Variants in ADAMTS16 observed in about 807,000 individuals in gnomAD.
ADAMTS16 encodes ADAM metallopeptidase with thrombospondin type 1 motif 16, also known as A disintegrin and metalloproteinase with thrombospondin motifs 16.
Under a neutral mutation model 145.8 loss-of-function variants are expected in ADAMTS16, and 94 were observed. The ratio of observed to expected loss-of-function variants is 0.64; its 90% CI spans 0.55 to 0.77. The LOEUF (loss-of-function observed/expected upper bound fraction) is 0.77. ADAMTS16 is among the 30% of genes least tolerant of loss of function. The probability of loss-of-function intolerance (pLI) is 0.00; values close to 1 mark genes in which losing one functional copy is unlikely to be tolerated. For missense variants in ADAMTS16, 1,585 were observed against 1,591.5 expected (o/e 1.00, Z 0.07); for synonymous variants, 659 against 604.3 (o/e 1.09, Z -1.33).
chr5:5,267,581 C>T lies in ADAMTS16; in HGVS notation c.2789+4798C>T, dbSNP rs552931310. On this transcript the variant is annotated intron_variant, in intron 18 of 22. Coordinates refer to ENST00000274181, the MANE Select transcript of ADAMTS16 (RefSeq NM_139056.4). The stretch of plus-strand genomic sequence containing the variant: ...GCCGGCATCTGCTGGTGCCTGTCAG[C>T]GTGCCCCTCTGCCGATGTGTTTCTC... Among the ~76,000 whole-genome samples the T allele has an allele frequency of 1.1e-4, 16 of 152,238 alleles. No homozygotes were observed. The South Asian group carries it at 3.1e-3, about 30-fold the overall frequency.
intron 10 of ADAMTS16, among the ~76,000 whole-genome samples, chr5:5,213,057 C>T (rs1003299947): frequency 6.6e-6 from 1 of 152,178 alleles, no homozygotes; most frequent in African/African-American, 2.4e-5. Flanking sequence ...GTCCTTACAA[C>T]AAATAAATCC....
chr5:5,197,735 A>G (rs1735845629), intron 8 of ADAMTS16, among the ~76,000 whole-genome samples: 1 of 152,216 alleles, frequency 6.6e-6, no homozygotes, highest in African/African-American at 2.4e-5. Context: ...TAATGGTGGT[A>G]TTAAATGTAA....
intron 8 of ADAMTS16, 77 bp downstream of exon 8, chr5:5,191,867 T>C: frequency 1.9e-6 from 2 of 1,059,446 alleles, no homozygotes; most frequent in Non-Finnish European, 2.8e-6. Context: ...TATTGACTCA[T>C]CAAGTCAAGT....
chr5:5,264,811 G>A (rs879469837), intron 18 of ADAMTS16, among the ~76,000 whole-genome samples: 7 of 152,130 alleles, frequency 4.6e-5, no homozygotes, highest in Non-Finnish European at 7.3e-5. Context: ...AAGTGCTTAA[G>A]ATGCAGCACA....
intron 9 of ADAMTS16, among the ~76,000 whole-genome samples, chr5:5,208,495 C>G (rs1279018105): frequency 6.6e-6 from 1 of 152,298 alleles, no homozygotes; most frequent in South Asian, 2.1e-4. Flanking sequence ...TGTTCTTTAG[C>G]CATCTACCAA....
chr5:5,262,850 C>G (rs1475674061), intron 18 of ADAMTS16, 67 bp downstream of exon 18: 1 of 1,585,130 alleles, frequency 6.3e-7, no homozygotes, highest in East Asian at 2.2e-5. Context: ...AGTCTTGCAG[C>G]TCCTGATTTC....
At position 5,256,995 on chromosome 5, in the gene ADAMTS16, G is replaced by C. The variant is rs140758714; in HGVS notation, c.2663-5662G>C. ...TTCAGTATGTTTCTTATTTAAATCGGGTTATCATAACTATTACACTTAAGG... is the reference window on the plus strand; with the variant it reads ...TTCAGTATGTTTCTTATTTAAATCGCGTTATCATAACTATTACACTTAAGG... On this transcript the variant is annotated intron_variant, in intron 17 of 22. Transcript: ENST00000274181. Among the ~76,000 whole-genome samples the C allele has an allele frequency of 2.7e-3, 410 of 152,186 alleles. 2 individuals carry two copies. Among genetic ancestry groups the C allele is most frequent in the African/African-American group, 9.3e-3 (388 of 41,500 alleles).
intron 9 of ADAMTS16, among the ~76,000 whole-genome samples, chr5:5,206,380 C>T (rs1390280702): frequency 4.3e-5 from 5 of 116,802 alleles, no homozygotes; most frequent in African/African-American, 9.9e-5. Context: ...GAGCCGAGAT[C>T]CCGCCACTGC....
intron 21 of ADAMTS16, among the ~76,000 whole-genome samples, chr5:5,312,834 G>A (rs575972071): frequency 2.8e-4 from 42 of 152,226 alleles, no homozygotes; most frequent in African/African-American, 9.4e-4. Flanking sequence ...CAGCTGAGTC[G>A]AGGCATTTCT....
intron 11 of ADAMTS16, among the ~76,000 whole-genome samples, chr5:5,231,003 A>T (rs1383109868): frequency 1.3e-5 from 2 of 152,168 alleles, no homozygotes; most frequent in African/African-American, 4.8e-5. Context: ...GATGGTTTTT[A>T]AAAAGGGGGG....
chr5:5,222,940 T>C (rs894865692), intron 11 of ADAMTS16, 56 bp downstream of exon 11: 6 of 1,508,604 alleles, frequency 4.0e-6, no homozygotes, highest in Admixed American at 3.3e-5. Flanking sequence ...TTTCAACCCA[T>C]GCATCTTTGC....
Position 5,163,838 on chromosome 5 carries a change from C to CT in ADAMTS16, c.501+17383_501+17384insT, listed in dbSNP as rs113952140. On this transcript the variant is annotated intron_variant, in intron 3 of 22. Transcript: ENST00000274181. ...TCCTTTGGATATGTGGTGGACACCC[C>CT]ACAACACCATGCTTTCCTGCAGAGG... 4.4e-3 allele frequency among the ~76,000 whole-genome samples: 665 copies of CT among 152,244 alleles called. 9 individuals are homozygous for CT. Among genetic ancestry groups the CT allele is most frequent in the African/African-American group, 0.015 (640 of 41,524 alleles).
chr5:5,151,841 A>G (rs1189912049), intron 3 of ADAMTS16, among the ~76,000 whole-genome samples: 2 of 152,036 alleles, frequency 1.3e-5, no homozygotes, highest in East Asian at 3.9e-4. Flanking sequence ...ATACTTATTC[A>G]TCCTATGTAA....
chr5:5,218,226 T>G (rs1004850200), intron 10 of ADAMTS16, among the ~76,000 whole-genome samples: 1 of 152,262 alleles, frequency 6.6e-6, no homozygotes, highest in African/African-American at 2.4e-5. Context: ...TTTTCTTTTT[T>G]TAACTTTTTC....
intron 17 of ADAMTS16, among the ~76,000 whole-genome samples, chr5:5,255,495 C>T (rs1403910305): frequency 6.6e-6 from 1 of 152,168 alleles, no homozygotes; most frequent in Non-Finnish European, 1.5e-5. Flanking sequence ...ACAGATAATC[C>T]AGCACTGGAG....
intron 14 of ADAMTS16, among the ~76,000 whole-genome samples, chr5:5,238,700 C>G (rs7720497): frequency 0.14 from 21,963 of 152,092 alleles, 2,719 homozygotes; most frequent in African/African-American, 0.34. Flanking sequence ...AATAAACATG[C>G]CCTTTATGTA....
chr5:5,288,841 T>G (rs1043367835), intron 18 of ADAMTS16, among the ~76,000 whole-genome samples: 18 of 152,280 alleles, frequency 1.2e-4, no homozygotes, highest in African/African-American at 4.3e-4. Context: ...CTCACTGGGC[T>G]CCCTTCCTGA....
intron 20 of ADAMTS16, 123 bp from the exon 21 acceptor site, chr5:5,306,381 T>C: frequency 1.1e-6 from 1 of 875,994 alleles, no homozygotes; most frequent in Non-Finnish European, 1.8e-6. Flanking sequence ...TAAGGTCCAA[T>C]AATTTTCACT....
At chr5:5,210,900 C>T (rs776300999) in intron 10 of ADAMTS16, among the ~76,000 whole-genome samples, 8 of 152,144 alleles carry the variant, frequency 5.3e-5, no homozygotes, top group Non-Finnish European at 1.0e-4. Flanking sequence ...TTCCATTGGA[C>T]TTTGAATGTC....
Sources: gnomAD v4.1 joint callset for allele counts (sites outside exome capture counted in the v4.1 genomes callset) on GRCh38, gnomAD v4.1.1 for gene constraint, MANE v1.5 for transcripts, NCBI Gene and HGNC (gene_info 2026-07-23, HGNC 2026-07-21) for gene names.